The following SPTLC3 variants were observed in gnomAD, a reference collection of about 807,000 sequenced individuals.
SPTLC3 encodes serine palmitoyltransferase long chain base subunit 3.
Under a neutral mutation model 59.3 loss-of-function variants are expected in SPTLC3, and 36 were observed. The observed-to-expected ratio is 0.61, with a 90% confidence interval of 0.47 to 0.80. The LOEUF is 0.80. Ranked by LOEUF, SPTLC3 falls within the 30% of genes least tolerant of loss-of-function variation. SPTLC3 has a pLI of 0.00. For missense variants in SPTLC3, 625 were observed against 685.1 expected (o/e 0.91, Z 0.98); for synonymous variants, 257 against 240.8 (o/e 1.07, Z -0.62).
intron 1 of SPTLC3, among the ~76,000 whole-genome samples, chr20:13,014,778 CT>C: frequency 7.1e-6 from 1 of 141,244 alleles, no homozygotes; most frequent in South Asian, 2.3e-4. Context: ...CATCTCAAAG[CT>C]GTCTAAATTT....
At chr20:13,056,730 C>T (rs924936457) in intron 2 of SPTLC3, among the ~76,000 whole-genome samples, 1 of 149,618 alleles carries the variant, frequency 6.7e-6, no homozygotes, top group African/African-American at 2.5e-5. Context: ...CGCACCCAGC[C>T]CATCCTTAAT....
At chr20:13,080,571 T>C (rs1988808412) in intron 4 of SPTLC3, among the ~76,000 whole-genome samples, 1 of 150,534 alleles carries the variant, frequency 6.6e-6, no homozygotes, top group African/African-American at 2.5e-5. Context: ...AACCCTTTTG[T>C]CATTATCACA....
intron 6 of SPTLC3, among the ~76,000 whole-genome samples, chr20:13,096,974 G>C (rs1459983440): frequency 6.6e-6 from 1 of 151,954 alleles, no homozygotes; most frequent in African/African-American, 2.4e-5. Context: ...GGATAATTAT[G>C]ATACACAAAT....
intron 2 of SPTLC3, among the ~76,000 whole-genome samples, chr20:13,059,293 C>A (rs552608563): frequency 1.3e-5 from 2 of 152,280 alleles, no homozygotes; most frequent in Admixed American, 1.3e-4. Context: ...TGTGTTAGTT[C>A]TTTCGCTGTT....
intron 4 of SPTLC3, among the ~76,000 whole-genome samples, chr20:13,078,447 C>A (rs973609642): frequency 3.3e-5 from 5 of 151,336 alleles, no homozygotes; most frequent in African/African-American, 1.2e-4. Context: ...AGAACATAAA[C>A]AAGAAATTCC....
rs538676097 is a variant in SPTLC3 at position 13,165,868 on chromosome 20, A to G, written c.*1001A>G. 10 of 152,236 alleles carry G rather than the reference A, an allele frequency of 6.6e-5. No homozygotes were observed. In the South Asian group the frequency reaches 1.9e-3, roughly 28 times the overall value. 9.4% of individuals were successfully genotyped at this position (152,236 alleles called of 1,614,324 possible). A position where few individuals can be genotyped will look rare whatever the true frequency, so the allele number is the denominator to read the frequency against. ...AAGACCAACACACTTGTTTAGGCCT[A>G]TTAAATTGTACTATCACTTGTTACA... On this transcript the variant is annotated 3_prime_UTR_variant, in exon 12 of 12. Transcript: ENST00000399002.
At chr20:13,075,121 G>C (rs1988595804) in intron 4 of SPTLC3, among the ~76,000 whole-genome samples, 1 of 141,702 alleles carries the variant, frequency 7.1e-6, no homozygotes, top group Non-Finnish European at 1.5e-5. Context: ...GAGAGGGAGA[G>C]CGTTCATTTA....
chr20:13,120,017 TAA>T (rs1990814755), intron 8 of SPTLC3, among the ~76,000 whole-genome samples: 1 of 152,256 alleles, frequency 6.6e-6, no homozygotes, highest in South Asian at 2.1e-4. Context: ...TTAATTATGT[TAA>T]GTTTCATTAT....
At chr20:13,071,725 C>T (rs1034702582) in intron 2 of SPTLC3, among the ~76,000 whole-genome samples, 17 of 152,288 alleles carry the variant, frequency 1.1e-4, no homozygotes, top group Admixed American at 1.0e-3. Flanking sequence ...TACAGCAACT[C>T]AGCGTTCTTA....
intron 1 of SPTLC3, among the ~76,000 whole-genome samples, chr20:13,019,061 T>C (rs6078882): frequency 0.57 from 85,942 of 152,026 alleles, 26,958 homozygotes; most frequent in South Asian, 0.72. Flanking sequence ...AGTTTTGACA[T>C]ATTGAAGATC....
chr20:13,019,643 A>C (rs1985760092), intron 1 of SPTLC3, among the ~76,000 whole-genome samples: 1 of 152,176 alleles, frequency 6.6e-6, no homozygotes, highest in African/African-American at 2.4e-5. Context: ...CAAAGTGTTC[A>C]TCAAAGTGTT....
chr20:13,157,995 T>C (rs551167077), intron 10 of SPTLC3, among the ~76,000 whole-genome samples: 11 of 152,368 alleles, frequency 7.2e-5, no homozygotes, highest in Admixed American at 4.6e-4. Flanking sequence ...AGCCTTGTTA[T>C]AACTCTACCA....
intron 6 of SPTLC3, among the ~76,000 whole-genome samples, chr20:13,103,460 G>A (rs6109704): frequency 0.38 from 58,437 of 152,132 alleles, 13,986 homozygotes; most frequent in African/African-American, 0.69. Flanking sequence ...AGTAAAAAGT[G>A]ACATTCATTC....
At position 13,153,988 on chromosome 20, in the gene SPTLC3, C is replaced by G; in HGVS notation, c.1280-15C>G. 6.2e-7 allele frequency: 1 copy of G among 1,612,796 alleles called. No homozygotes were observed. Among genetic ancestry groups the G allele is most frequent in the Non-Finnish European group, 8.5e-7 (1 of 1,179,392 alleles). ...CTAGTGGGAATTGATGGATTTCACG[C>G]CTGTCTCTTTTCAGGGCTGCAGAGA... On this transcript the variant is annotated splice_polypyrimidine_tract_variant and intron_variant, in intron 9 of 11. Coordinates refer to ENST00000399002, the MANE Select transcript of SPTLC3 (RefSeq NM_018327.4).
chr20:13,030,639 T>A (rs748748930), intron 1 of SPTLC3, among the ~76,000 whole-genome samples: 1 of 152,176 alleles, frequency 6.6e-6, no homozygotes, highest in Admixed American at 6.5e-5. Context: ...TGTCAGACAC[T>A]GTTCTAGGAA....
intron 9 of SPTLC3, among the ~76,000 whole-genome samples, chr20:13,143,783 A>G (rs950168343): frequency 4.6e-5 from 7 of 152,228 alleles, no homozygotes; most frequent in African/African-American, 1.7e-4. Flanking sequence ...AGCCCTTTCA[A>G]GGAACCACAT....
chr20:13,128,177 T>C (rs1390961250), intron 9 of SPTLC3, among the ~76,000 whole-genome samples: 1 of 152,256 alleles, frequency 6.6e-6, no homozygotes, highest in Non-Finnish European at 1.5e-5. Flanking sequence ...TATAATTGCT[T>C]GCTACTATTA....
At chr20:13,052,459 C>T (rs1450228590) in intron 2 of SPTLC3, among the ~76,000 whole-genome samples, 1 of 147,884 alleles carries the variant, frequency 6.8e-6, no homozygotes, top group Non-Finnish European at 1.5e-5. Flanking sequence ...TTTAGGCAGA[C>T]ACCAAGCTGG....
chr20:13,027,683 A>C (rs1380711645), intron 1 of SPTLC3, among the ~76,000 whole-genome samples: 1 of 150,618 alleles, frequency 6.6e-6, no homozygotes, highest in Non-Finnish European at 1.5e-5. Context: ...ACACACACGC[A>C]AAAGTGTCAA....
Sources: gnomAD v4.1 joint callset for allele counts (sites outside exome capture counted in the v4.1 genomes callset) on GRCh38, gnomAD v4.1.1 for gene constraint, MANE v1.5 for transcripts, NCBI Gene and HGNC (gene_info 2026-07-23, HGNC 2026-07-21) for gene names.